TBC1D22B: variants seen among roughly 807,000 people sequenced by gnomAD.
TBC1D22B encodes the protein TBC1 domain family member 22B, also known as chromosome 6 open reading frame 197.
TBC1D22B carries 32 observed loss-of-function variants against 69.1 expected under a neutral mutation model. The ratio of observed to expected loss-of-function variants is 0.46; its 90% CI spans 0.35 to 0.62. The LOEUF (loss-of-function observed/expected upper bound fraction) is 0.62. Ranked by LOEUF, TBC1D22B falls within the 20% of genes least tolerant of loss-of-function variation. TBC1D22B has a pLI of 0.00. For missense variants in TBC1D22B, 462 were observed against 630.9 expected (o/e 0.73, Z 2.87); for synonymous variants, 206 against 229.8 (o/e 0.90, Z 0.94).
At chr6:37,272,587 CA>C (rs1471660908) in intron 2 of TBC1D22B, among the ~76,000 whole-genome samples, 1 of 151,856 alleles carries the variant, frequency 6.6e-6, no homozygotes, top group African/African-American at 2.4e-5. Context: ...GGGGTTTCAC[CA>C]TGTTGCCCAT....
chr6:37,314,764 C>G (rs1244363490), intron 10 of TBC1D22B, among the ~76,000 whole-genome samples: 1 of 152,076 alleles, frequency 6.6e-6, no homozygotes, highest in Admixed American at 6.6e-5. Context: ...GCCTTTCTCC[C>G]TTACCTGCTG....
chr6:37,321,043 C>T (rs1043291657), intron 12 of TBC1D22B, among the ~76,000 whole-genome samples: 4 of 152,186 alleles, frequency 2.6e-5, no homozygotes, highest in African/African-American at 4.8e-5. Context: ...TTGGCAATTT[C>T]GTGAGGCTCA....
In TBC1D22B at chr6:37,312,941, G is replaced by A. The variant is rs752884627; in HGVS notation, c.1006G>A (p.Val336Met). 2.7e-5 allele frequency: 43 copies of A among 1,614,000 alleles called. No individual in the cohort carries two copies. Among genetic ancestry groups the A allele is most frequent in the South Asian group, 2.3e-4 (21 of 91,084 alleles). Residue 336 changes from valine (V) to methionine (M), a missense_variant, in exon 9 of 13, where the codon GTG becomes ATG. Physicochemically the swap from Val to Met is conservative, Grantham distance 21 (BLOSUM62 1). This residue lies in a region of TBC1D22B where 225 missense variants were observed against 375.4 expected (regional missense o/e 0.60). Coordinates refer to ENST00000373491, the MANE Select transcript of TBC1D22B (RefSeq NM_017772.4). ...YVEEDVENFD[V>M]TNLSQDMLRS... is the part of the protein sequence containing the mutation. The stretch of plus-strand genomic sequence containing the variant: ...AGAAGAGGATGTGGAGAACTTTGAC[G>A]TGACCAACTTGTCTCAAGACATGCT...
At chr6:37,299,359 A>T (rs1242812050) in intron 8 of TBC1D22B, among the ~76,000 whole-genome samples, 1 of 152,180 alleles carries the variant, frequency 6.6e-6, no homozygotes, top group Non-Finnish European at 1.5e-5. Flanking sequence ...ATAAATTGTT[A>T]ATACTCAACC....
chr6:37,266,990 G>A (rs989133602), intron 1 of TBC1D22B, among the ~76,000 whole-genome samples: 3 of 124,482 alleles, frequency 2.4e-5, no homozygotes, highest in Non-Finnish European at 3.1e-5. Context: ...AGGCTATAGT[G>A]CAGTGACACG....
chr6:37,299,649 G>T (rs1179385287), intron 8 of TBC1D22B, among the ~76,000 whole-genome samples: 1 of 152,188 alleles, frequency 6.6e-6, no homozygotes, highest in Non-Finnish European at 1.5e-5. Context: ...GAGGGAAGCA[G>T]CTTCTCCTTT....
intron 7 of TBC1D22B, among the ~76,000 whole-genome samples, chr6:37,289,317 T>G (rs530319351): frequency 6.6e-6 from 1 of 152,344 alleles, no homozygotes; most frequent in South Asian, 2.1e-4. Context: ...CCCACACTAG[T>G]AGAAGAGACA....
intron 1 of TBC1D22B, among the ~76,000 whole-genome samples, chr6:37,267,247 T>G (rs2113976160): frequency 6.7e-6 from 1 of 149,604 alleles, no homozygotes; most frequent in African/African-American, 2.4e-5. Flanking sequence ...TTAAAAATAT[T>G]TTCTTCTTAA....
chr6:37,310,281 T>G (rs897873213), intron 8 of TBC1D22B, among the ~76,000 whole-genome samples: 1 of 147,978 alleles, frequency 6.8e-6, no homozygotes, highest in African/African-American at 2.5e-5. Flanking sequence ...TAGGATACAA[T>G]AAAAGAATAA....
intron 8 of TBC1D22B, among the ~76,000 whole-genome samples, chr6:37,296,577 T>C (rs1581604700): frequency 6.6e-6 from 1 of 152,242 alleles, no homozygotes; most frequent in East Asian, 1.9e-4. Context: ...CTTGAACCCC[T>C]GAGCTCAAGC....
At chr6:37,279,749 T>A (rs1299201940) in intron 3 of TBC1D22B, 138 bp downstream of exon 3, 1 of 954,344 alleles carries the variant, frequency 1.0e-6, no homozygotes, top group Admixed American at 2.9e-5. Context: ...AGATGTGACA[T>A]CATTAAGCCT....
intron 12 of TBC1D22B, among the ~76,000 whole-genome samples, chr6:37,325,476 C>T (rs931913757): frequency 1.3e-5 from 2 of 151,822 alleles, no homozygotes; most frequent in African/African-American, 4.8e-5. Flanking sequence ...CTTCTCTGCC[C>T]CTAGATAAAA....
intron 7 of TBC1D22B, among the ~76,000 whole-genome samples, chr6:37,290,396 A>G (rs1278388733): frequency 1.3e-5 from 2 of 152,174 alleles, no homozygotes; most frequent in African/African-American, 4.8e-5. Flanking sequence ...AAACCAGGCA[A>G]TGGGTATTAT....
intron 10 of TBC1D22B, among the ~76,000 whole-genome samples, chr6:37,316,324 G>C (rs985415575): frequency 1.3e-5 from 2 of 152,226 alleles, no homozygotes; most frequent in Admixed American, 1.3e-4. Context: ...TTCCTCGCCA[G>C]TAGGAGGGTG....
intron 3 of TBC1D22B, 141 bp from the exon 4 acceptor site, chr6:37,282,044 T>A: frequency 2.2e-6 from 2 of 910,442 alleles, no homozygotes; most frequent in Non-Finnish European, 3.4e-6. Context: ...CTCGCTGCCC[T>A]TCAGCTGGGC....
At chr6:37,311,254 GTT>G (rs781045161) in intron 8 of TBC1D22B, among the ~76,000 whole-genome samples, 1 of 141,826 alleles carries the variant, frequency 7.1e-6, no homozygotes, top group Middle Eastern at 3.4e-3. Flanking sequence ...CTCAAGAGGG[GTT>G]TTTTTTTTTT....
At chr6:37,290,231 C>G (rs1767132926) in intron 7 of TBC1D22B, among the ~76,000 whole-genome samples, 1 of 152,118 alleles carries the variant, frequency 6.6e-6, no homozygotes, top group Non-Finnish European at 1.5e-5. Flanking sequence ...GAGATTCTCC[C>G]AAGTCCACAT....
At chr6:37,263,879 C>T (rs771451503) in intron 1 of TBC1D22B, among the ~76,000 whole-genome samples, 29 of 152,268 alleles carry the variant, frequency 1.9e-4, no homozygotes, top group East Asian at 5.8e-4. Flanking sequence ...CCACTATGAC[C>T]GGCCTAACAC....
chr6:37,278,512 CT>C (rs889630808), intron 2 of TBC1D22B, among the ~76,000 whole-genome samples: 3 of 152,094 alleles, frequency 2.0e-5, no homozygotes, highest in African/African-American at 7.2e-5. Flanking sequence ...TGCTACATGT[CT>C]AAAATGGGGG....
Sources: allele counts gnomAD v4.1 joint callset (sites outside exome capture counted in the v4.1 genomes callset), GRCh38; gene constraint gnomAD v4.1.1; regional missense constraint gnomAD v4.1.1; transcripts MANE v1.5; gene names NCBI Gene and HGNC (gene_info 2026-07-23, HGNC 2026-07-21).